The following GGT5 variants were observed in gnomAD, a reference collection of about 807,000 sequenced individuals.
GGT5 encodes the protein glutathione hydrolase 5 proenzyme.
Under a neutral mutation model 58.1 loss-of-function variants are expected in GGT5, and 50 were observed. The ratio of observed to expected loss-of-function variants is 0.86; its 90% CI spans 0.69 to 1.09. The LOEUF (loss-of-function observed/expected upper bound fraction) is 1.09, where lower values mean the gene tolerates loss of function less well. Among genes scored for constraint, GGT5 ranks in the 50% least tolerant of loss-of-function variants. GGT5 has a pLI of 0.00. For missense variants in GGT5, 800 were observed against 789.4 expected, an observed-to-expected ratio of 1.01 and a Z score of -0.16; for synonymous variants, 370 against 346.1, an observed-to-expected ratio of 1.07 and a Z score of -0.77.
Position 24,231,434 on chromosome 22 carries a change from G to T in GGT5, c.851C>A (p.Pro284Gln), listed in dbSNP as rs757470393. The change falls in exon 6 of 12, where the codon CCG becomes CAG. Residue 284 changes from proline to glutamine, a missense_variant. Coordinates refer to ENST00000327365, the MANE Select transcript of GGT5 (RefSeq NM_004121.5). The stretch of plus-strand genomic sequence containing the variant: ...GAGAATGGCACCCCCTGCAGGCGGC[G>T]GTGGTGAGTACAGGGTATAGTCCCC... ...PLGDYTLYSP[P>Q]PPAGGAILSF... The T allele has an allele frequency of 3.2e-6, 5 of 1,559,826 alleles. No homozygotes were observed. The highest frequency in any genetic ancestry group is 2.4e-5 in the East Asian group (1 of 41,536).
chr22:24,237,108 T>C (rs2048121559), intron 1 of GGT5, among the ~76,000 whole-genome samples: 1 of 151,644 alleles, frequency 6.6e-6, no homozygotes. Flanking sequence ...AATATATTGC[T>C]CTGGCTGGTC....
chr22:24,233,756 G>T, intron 2 of GGT5, 118 bp downstream of exon 2: 1 of 1,060,100 alleles, frequency 9.4e-7, no homozygotes. Flanking sequence ...ATGGGGCAGG[G>T]CAGGGGGCCC....
chr22:24,231,315 G>C, intron 6 of GGT5, 69 bp downstream of exon 6: 2 of 1,155,764 alleles, frequency 1.7e-6, no homozygotes, highest in Non-Finnish European at 2.4e-6. Context: ...TGGGCTTGGA[G>C]TCTGAGTTCC....
intron 11 of GGT5, among the ~76,000 whole-genome samples, chr22:24,224,313 C>T (rs1220490836): frequency 6.6e-6 from 1 of 151,776 alleles, no homozygotes; most frequent in Non-Finnish European, 1.5e-5. Flanking sequence ...AGTTCAAGAC[C>T]AGCCTAGGCA....
intron 1 of GGT5, among the ~76,000 whole-genome samples, chr22:24,236,400 C>T (rs916319087): frequency 1.3e-5 from 2 of 152,186 alleles, no homozygotes; most frequent in Non-Finnish European, 2.9e-5. Flanking sequence ...CAACCTCTCT[C>T]AGCTGGGTTA....
intron 1 of GGT5, among the ~76,000 whole-genome samples, chr22:24,236,296 T>C (rs150204017): frequency 1.3e-5 from 2 of 152,284 alleles, no homozygotes; most frequent in Non-Finnish European, 2.9e-5. Context: ...GGAGCCATCC[T>C]GGATTGGTCA....
In GGT5 at chr22:24,225,021, A is replaced by T. The variant is rs1236402704; in HGVS notation, c.1589T>A (p.Val530Glu). 6.3e-7 allele frequency: 1 copy of T among 1,597,054 alleles called. No homozygotes were observed. Among genetic ancestry groups the T allele is most frequent in the Admixed American group, 1.7e-5 (1 of 57,894 alleles). ...PILHVNSKGC[V>E]EYEPNFSQEV... ...CTGGCTGAAGTTGGGCTCGTACTCC[A>T]CACAGCCCTTGCTGTTGACATGCAG... Residue 530 changes from valine (V) to glutamate (E), a missense_variant, in exon 11 of 12, where the codon GTG (valine) becomes GAG (glutamate). Physicochemically the swap from Val to Glu is moderately radical, Grantham distance 121. Transcript: ENST00000327365.
intron 3 of GGT5, 115 bp from the exon 4 acceptor site, chr22:24,233,133 A>G (rs2047998896): frequency 2.6e-6 from 2 of 761,320 alleles, no homozygotes; most frequent in Non-Finnish European, 4.0e-6. Context: ...TCTGGAGCCC[A>G]CACCCGACCA....
At chr22:24,242,973 G>A (rs566819559) in intron 1 of GGT5, 47 of 152,436 alleles carry the variant, frequency 3.1e-4, no homozygotes, top group African/African-American at 1.1e-3. Context: ...AGTTTGAGGG[G>A]ATGCCAGCAG....
At chr22:24,240,708 G>T (rs1167231414) in intron 1 of GGT5, among the ~76,000 whole-genome samples, 2 of 152,082 alleles carry the variant, frequency 1.3e-5, no homozygotes, top group African/African-American at 4.8e-5. Flanking sequence ...GCCCAGGCTG[G>T]TCTTGAACTC....
At position 24,219,962 on chromosome 22, in the gene GGT5, G is replaced by A. The variant is rs1214838815; in HGVS notation, c.*8C>T. The A allele has an allele frequency of 1.9e-6, 3 of 1,613,800 alleles. No homozygotes were observed. In the East Asian group the frequency reaches 6.7e-5, roughly 36 times the overall value. ...GGGCCAGACTTCAGCTCTGGGCAGA[G>A]CAGTGTCTTAGTAGCCTGCGGCCTC... is the stretch of plus-strand genomic sequence containing the variant. On this transcript the variant is annotated 3_prime_UTR_variant, in exon 12 of 12. Coordinates refer to ENST00000327365, the MANE Select transcript of GGT5 (RefSeq NM_004121.5).
chr22:24,229,054 A>G (rs1216380602), intron 6 of GGT5, among the ~76,000 whole-genome samples: 1 of 150,982 alleles, frequency 6.6e-6, no homozygotes, highest in Non-Finnish European at 1.5e-5. Context: ...GCGCAATTGC[A>G]CTCCACTCCA....
intron 1 of GGT5, among the ~76,000 whole-genome samples, chr22:24,235,050 CTTTTTTTTTTT>C (rs71189232): frequency 2.6e-5 from 2 of 75,652 alleles, no homozygotes; most frequent in East Asian, 4.0e-4. Flanking sequence ...AAGAAGCCAG[CTTTTTTTTTTT>C]TTTTTTTTTT....
intron 6 of GGT5, among the ~76,000 whole-genome samples, chr22:24,229,493 A>T (rs35334731): frequency 0.096 from 14,532 of 151,944 alleles, 720 homozygotes; most frequent in African/African-American, 0.13. Flanking sequence ...ACACACTAGG[A>T]ACAGTGTACA....
chr22:24,233,534 G>A lies in GGT5; in HGVS notation c.364C>T (p.Leu122=). ...GGCAGAGCCTGTGCACACTGGTCCAGCAGGCTCGGGGCGTGGCTGGCCGGC... is the reference window on the plus strand; with the variant it reads ...GGCAGAGCCTGTGCACACTGGTCCAACAGGCTCGGGGCGTGGCTGGCCGGC... ...TVPASHAPSL[L]DQCAQALPLG... Residue 122 remains leucine (L), a synonymous_variant, in exon 3 of 12, where the codon CTG becomes TTG. Transcript: ENST00000327365. The A allele has an allele frequency of 6.2e-7, 1 of 1,608,892 alleles. No individual in the cohort carries two copies.
chr22:24,235,391 G>C (rs1174026126), intron 1 of GGT5, among the ~76,000 whole-genome samples: 5 of 152,148 alleles, frequency 3.3e-5, no homozygotes, highest in African/African-American at 1.2e-4. Flanking sequence ...TTGCAGATGG[G>C]GAAACCAAGG....
intron 1 of GGT5, among the ~76,000 whole-genome samples, chr22:24,235,291 C>T (rs1049130577): frequency 2.0e-5 from 3 of 152,194 alleles, no homozygotes; most frequent in African/African-American, 7.2e-5. Flanking sequence ...CTCCCGACAT[C>T]AGATGATCTG....
intron 1 of GGT5, among the ~76,000 whole-genome samples, chr22:24,238,846 T>TTA (rs1569371831): frequency 1.7e-4 from 2 of 11,792 alleles, no homozygotes; most frequent in Non-Finnish European, 2.5e-4. Context: ...TATATATATA[T>TTA]TATATATATT....
At chr22:24,237,008 T>TC (rs67095027) in intron 1 of GGT5, among the ~76,000 whole-genome samples, 34 of 53,170 alleles carry the variant, frequency 6.4e-4, no homozygotes, top group East Asian at 1.6e-3. Context: ...CTTTTCTCTC[T>TC]TTTTTTTTTT....
Sources: gnomAD v4.1 joint callset for allele counts (sites outside exome capture counted in the v4.1 genomes callset) on GRCh38, gnomAD v4.1.1 for gene constraint, MANE v1.5 for transcripts, NCBI Gene and HGNC (gene_info 2026-07-23, HGNC 2026-07-21) for gene names.